ETNK1: variants seen among roughly 807,000 people sequenced by gnomAD.
The protein encoded by ETNK1 is ethanolamine kinase 1.
ETNK1 carries 8 observed loss-of-function variants against 45.1 expected under a neutral mutation model. That is an observed-to-expected ratio of 0.18 (90% confidence interval 0.10 to 0.32). The LOEUF is 0.32. ETNK1 is among the 10% of genes least tolerant of loss of function. ETNK1 has a pLI of 1.00. For synonymous variants in ETNK1, 152 were observed against 151.9 expected (o/e 1.00, Z -0.01); for missense variants, 302 against 430.6 (o/e 0.70, Z 2.64).
intron 2 of ETNK1, chr12:22,656,734 A>G: frequency 1.0e-6 from 1 of 984,822 alleles, no homozygotes; most frequent in Non-Finnish European, 1.2e-6. Context: ...AGGGTCTCTT[A>G]TAAACCCTGG....
At chr12:22,667,759 C>T (rs909705561) in intron 4 of ETNK1, among the ~76,000 whole-genome samples, 2 of 152,058 alleles carry the variant, frequency 1.3e-5, no homozygotes, top group Non-Finnish European at 2.9e-5. Context: ...ATTCCTTTCT[C>T]CTAACAACAA....
At chr12:22,684,369 C>A in intron 6 of ETNK1, 114 bp from the exon 7 acceptor site, 1 of 699,684 alleles carries the variant, frequency 1.4e-6, no homozygotes, top group Non-Finnish European at 2.4e-6. Flanking sequence ...ATAAAAAGAA[C>A]AGCAAGAAAG....
chr12:22,653,688 C>T (rs891516399), intron 2 of ETNK1, among the ~76,000 whole-genome samples: 2 of 151,908 alleles, frequency 1.3e-5, no homozygotes, highest in Non-Finnish European at 2.9e-5. Context: ...CTGATTTTTG[C>T]GTATTGATTT....
At chr12:22,644,072 TGCATTA>T in intron 2 of ETNK1, 50 bp downstream of exon 2, 1 of 1,520,338 alleles carries the variant, frequency 6.6e-7, no homozygotes, top group Non-Finnish European at 8.8e-7. Context: ...GGCATTTAAG[TGCATTA>T]AGGAAATATT....
chr12:22,661,124 A>C lies in ETNK1; in HGVS notation c.619A>C (p.Ile207Leu). The C allele has an allele frequency of 6.2e-7, 1 of 1,612,674 alleles. No homozygotes were observed. The highest frequency in any genetic ancestry group is 2.2e-5 in the East Asian group (1 of 44,676). Residue 207 changes from isoleucine to leucine, a missense_variant, in exon 4 of 8, where the codon ATT (isoleucine) becomes CTT (leucine). Transcript: ENST00000266517. ...LQEEMTWMKE[I>L]LSNLGSPVVL... ...GGAAGAGATGACTTGGATGAAGGAG[A>C]TTCTTTCCAACCTGGGCTCACCTGT...
rs7954355 is a variant in ETNK1 at position 22,633,271 on chromosome 12, G to T, written c.156+7685G>T. Among the ~76,000 whole-genome samples, 13 of 151,878 alleles carry T rather than the reference G, an allele frequency of 8.6e-5. No individual in the cohort carries two copies. In the East Asian group the frequency reaches 2.5e-3, roughly 30 times the overall value. ...TGTCTTTATTTTTTTCTTTCACCAC[G>T]TTGGCCAGGCTGGTCTTGAACTCCT... On this transcript the variant is annotated intron_variant, in intron 1 of 7. Coordinates refer to ENST00000266517, the MANE Select transcript of ETNK1 (RefSeq NM_018638.5).
intron 4 of ETNK1, among the ~76,000 whole-genome samples, chr12:22,667,004 A>G (rs962755994): frequency 6.6e-6 from 1 of 152,126 alleles, no homozygotes; most frequent in African/African-American, 2.4e-5. Context: ...TTGGTAAACT[A>G]TGTTTTCTAG....
intron 4 of ETNK1, among the ~76,000 whole-genome samples, chr12:22,662,005 TA>T (rs1475244095): frequency 6.6e-6 from 1 of 151,780 alleles, no homozygotes; most frequent in Admixed American, 6.6e-5. Flanking sequence ...CTTACTAACT[TA>T]AAAAATGTTT....
In ETNK1 at chr12:22,673,644, T is replaced by G. The variant is rs1316969399; in HGVS notation, c.929T>G (p.Val310Gly). 1 of 1,613,100 alleles carries G rather than the reference T, an allele frequency of 6.2e-7. No individual in the cohort carries two copies. Among genetic ancestry groups the G allele is most frequent in the Non-Finnish European group, 8.5e-7 (1 of 1,179,556 alleles). The change falls in exon 6 of 8, where the codon GTC becomes GGC. Residue 310 changes from valine (V) to glycine (G), a missense_variant. By Grantham distance (109) the Val-to-Gly change is moderately radical. Coordinates refer to ENST00000266517, the MANE Select transcript of ETNK1 (RefSeq NM_018638.5). ...GAGGTAGAAATACTCTTCATTCAAG[T>G]CAATCAGTTTGCATTGGTAAGTTTA... ...EKEVEILFIQ[V>G]NQFALASHFF...
chr12:22,649,456 A>G (rs1953847481), intron 2 of ETNK1, among the ~76,000 whole-genome samples: 1 of 152,114 alleles, frequency 6.6e-6, no homozygotes, highest in African/African-American at 2.4e-5. Context: ...GTTCAGCACA[A>G]TTTATTGAAA....
chr12:22,656,925 T>C, intron 2 of ETNK1: 1 of 550,046 alleles, frequency 1.8e-6, no homozygotes, highest in Non-Finnish European at 2.3e-6. Context: ...GTAACACAGA[T>C]TGTATCTTTC....
chr12:22,628,769 C>CT (rs1476592825), intron 1 of ETNK1, among the ~76,000 whole-genome samples: 4 of 152,120 alleles, frequency 2.6e-5, no homozygotes, highest in African/African-American at 9.6e-5. Flanking sequence ...TTACTTGGGA[C>CT]TTATAGTAGA....
Position 22,687,933 on chromosome 12 carries a change from T to C in ETNK1, c.*2979T>C, listed in dbSNP as rs1316964239. The C allele has an allele frequency of 6.6e-6, 1 of 152,270 alleles. No homozygotes were observed. Among genetic ancestry groups the C allele is most frequent in the Non-Finnish European group, 1.5e-5 (1 of 67,766 alleles). The allele number at this position is 152,270 out of a possible 1,614,324, so 9.4% of individuals were successfully genotyped here. On this transcript the variant is annotated 3_prime_UTR_variant, in exon 8 of 8. Transcript: ENST00000266517. The stretch of plus-strand genomic sequence containing the variant: ...AATAGGGTTTGTCGGCTTTGGTTAA[T>C]GTCAGTACTCATTTATTTAGCCTCT...
intron 6 of ETNK1, among the ~76,000 whole-genome samples, chr12:22,680,801 G>GT (rs1954206656): frequency 6.8e-6 from 1 of 146,186 alleles, no homozygotes; most frequent in Admixed American, 7.2e-5. Flanking sequence ...GTCATTGATT[G>GT]TTTAATGTTG....
At position 22,685,868 on chromosome 12, in the gene ETNK1, A is replaced by G. The variant is rs1954256286; in HGVS notation, c.*914A>G. On this transcript the variant is annotated 3_prime_UTR_variant, in exon 8 of 8. Coordinates refer to ENST00000266517, the MANE Select transcript of ETNK1 (RefSeq NM_018638.5). ...GAAACAAATACACAAAATTTATCAT[A>G]TGTAGAAATAAGAAAATATTGTTTA... 2.0e-5 allele frequency: 3 copies of G among 151,924 alleles called. No homozygotes were observed. Among genetic ancestry groups the G allele is most frequent in the Admixed American group, 2.0e-4 (3 of 15,252 alleles). 9.4% of individuals were successfully genotyped at this position (151,924 alleles called of 1,614,324 possible).
chr12:22,661,742 A>T (rs766315902), intron 4 of ETNK1, among the ~76,000 whole-genome samples: 4 of 152,230 alleles, frequency 2.6e-5, no homozygotes, highest in Non-Finnish European at 4.4e-5. Context: ...GTAGTTGCTC[A>T]AATTTATATC....
chr12:22,638,741 C>A (rs906166120), intron 1 of ETNK1: 4 of 152,100 alleles, frequency 2.6e-5, no homozygotes, highest in African/African-American at 7.2e-5. Context: ...TTGTATCATG[C>A]AAGTTAAAAA....
Position 22,673,612 on chromosome 12 carries a change from T to C in ETNK1, c.897T>C (p.Thr299=), listed in dbSNP as rs1565447759. ...TTAAGGGCTTTGGGACTGAAGTTAC[T>C]GAAAAGGAGGTAGAAATACTCTTCA... ...KEFKGFGTEV[T]EKEVEILFIQ... is the part of the protein sequence containing the mutation. Residue 299 remains threonine, a synonymous_variant, in exon 6 of 8, where the codon ACT becomes ACC. Transcript: ENST00000266517. 6.2e-7 allele frequency: 1 copy of C among 1,614,022 alleles called. No homozygotes were observed. Among genetic ancestry groups the C allele is most frequent in the East Asian group, 2.2e-5 (1 of 44,846 alleles).
intron 1 of ETNK1, among the ~76,000 whole-genome samples, chr12:22,631,124 G>A (rs1254775831): frequency 6.6e-6 from 1 of 151,602 alleles, no homozygotes; most frequent in African/African-American, 2.4e-5. Context: ...GTTAGAATAA[G>A]TTATGGTAGA....
Sources: allele counts gnomAD v4.1 joint callset (sites outside exome capture counted in the v4.1 genomes callset), GRCh38; gene constraint gnomAD v4.1.1; transcripts MANE v1.5; gene names NCBI Gene and HGNC (gene_info 2026-07-23, HGNC 2026-07-21).